CHD1: variants seen among roughly 807,000 people sequenced by gnomAD.
CHD1 encodes the protein chromodomain helicase DNA binding protein 1, also known as ATP-dependent chromatin remodeler CHD1.
Under a neutral mutation model 224.2 loss-of-function variants are expected in CHD1, and 36 were observed. The observed-to-expected ratio is 0.16, with a 90% CI of 0.12 to 0.21. CHD1 has a LOEUF of 0.21. CHD1 is among the 10% of genes least tolerant of loss of function. The probability of loss-of-function intolerance (pLI) is 1.00; values close to 1 mark genes in which losing one functional copy is unlikely to be tolerated. For missense variants in CHD1, 1,378 were observed against 1,994.8 expected (o/e 0.69, Z 5.89); for synonymous variants, 668 against 658.3 (o/e 1.01, Z -0.23).
chr5:98,920,429 A>G (rs1753016735), intron 2 of CHD1, among the ~76,000 whole-genome samples: 1 of 152,224 alleles, frequency 6.6e-6, no homozygotes, highest in African/African-American at 2.4e-5. Flanking sequence ...CATGTTTCCC[A>G]TATGATGTGA....
At chr5:98,875,006 C>A in intron 25 of CHD1, 66 bp downstream of exon 25, 1 of 826,760 alleles carries the variant, frequency 1.2e-6, no homozygotes, top group East Asian at 2.7e-5. Flanking sequence ...AATGTTAATA[C>A]AAATAAATAA....
chr5:98,863,645 G>A (rs1373893730), intron 31 of CHD1, 59 bp from the exon 32 acceptor site: 63 of 1,137,514 alleles, frequency 5.5e-5, no homozygotes, highest in Non-Finnish European at 7.7e-5. Context: ...ATTCAACAAG[G>A]TCTACCTCCT....
intron 2 of CHD1, among the ~76,000 whole-genome samples, chr5:98,920,908 T>G (rs1387520733): frequency 6.6e-6 from 1 of 151,954 alleles, no homozygotes; most frequent in Non-Finnish European, 1.5e-5. Flanking sequence ...ACTTAGAAAC[T>G]CTCACAGATG....
chr5:98,908,981 T>A (rs919870800), intron 2 of CHD1, among the ~76,000 whole-genome samples: 1 of 151,954 alleles, frequency 6.6e-6, no homozygotes, highest in Admixed American at 6.6e-5. Flanking sequence ...AATATACAAT[T>A]TCAAATATAA....
At chr5:98,884,963 C>A (rs1031035213) in intron 18 of CHD1, among the ~76,000 whole-genome samples, 1 of 151,850 alleles carries the variant, frequency 6.6e-6, no homozygotes, top group Non-Finnish European at 1.5e-5. Flanking sequence ...AACTCCTGGT[C>A]TGAAGCGATT....
At chr5:98,897,567 C>A (rs1444521812) in intron 10 of CHD1, among the ~76,000 whole-genome samples, 1 of 152,110 alleles carries the variant, frequency 6.6e-6, no homozygotes, top group African/African-American at 2.4e-5. Context: ...TAACTTCCTG[C>A]CAAAATATGA....
chr5:98,895,330 G>T (rs1751275196), intron 12 of CHD1, among the ~76,000 whole-genome samples: 1 of 152,192 alleles, frequency 6.6e-6, no homozygotes, highest in African/African-American at 2.4e-5. Context: ...TTGCTTCACA[G>T]TAACTAGGAA....
intron 2 of CHD1, among the ~76,000 whole-genome samples, chr5:98,911,635 G>GT (rs1193136031): frequency 1.3e-5 from 2 of 152,202 alleles, no homozygotes; most frequent in African/African-American, 4.8e-5. Flanking sequence ...GACAAACAAT[G>GT]TGAGCTCCAG....
chr5:98,866,550 T>A (rs888158757), intron 31 of CHD1, among the ~76,000 whole-genome samples: 1 of 152,052 alleles, frequency 6.6e-6, no homozygotes, highest in Non-Finnish European at 1.5e-5. Flanking sequence ...AAGGTGAAAT[T>A]TTCCCTCTTT....
At chr5:98,909,525 C>T (rs1337899035) in intron 2 of CHD1, among the ~76,000 whole-genome samples, 2 of 152,056 alleles carry the variant, frequency 1.3e-5, no homozygotes, top group Non-Finnish European at 2.9e-5. Context: ...TTTTTAGCAG[C>T]CACTGATGAT....
At chr5:98,899,314 G>A (rs1346460035) in intron 8 of CHD1, among the ~76,000 whole-genome samples, 166 bp downstream of exon 8, 8 of 151,976 alleles carry the variant, frequency 5.3e-5, no homozygotes, top group Admixed American at 3.9e-4. Context: ...TCCATGGTTG[G>A]TTGAAACCAA....
At chr5:98,902,853 TC>T in intron 5 of CHD1, 46 bp downstream of exon 5, 1 of 1,172,358 alleles carries the variant, frequency 8.5e-7, no homozygotes, top group African/African-American at 1.5e-5. Flanking sequence ...TATGAAATAA[TC>T]AGGATTTTTC....
intron 4 of CHD1, among the ~76,000 whole-genome samples, 160 bp from the exon 5 acceptor site, chr5:98,903,124 A>G (rs980438574): frequency 6.6e-6 from 1 of 152,190 alleles, no homozygotes; most frequent in Non-Finnish European, 1.5e-5. Context: ...GCTGAAAGTA[A>G]TAACATTTTT....
In CHD1 at chr5:98,912,578, C is replaced by T. The variant is rs111627044; in HGVS notation, c.54-7480G>A. On this transcript the variant is annotated intron_variant, in intron 2 of 35. Coordinates refer to ENST00000614616, the MANE Select transcript of CHD1 (RefSeq NM_001270.4). ...CCCAGCTACTCAGGAGGCTGAGGCA[C>T]GGGAATCACTAGAACCCAGGAGGCA... is the stretch of plus-strand genomic sequence containing the variant. 5.6e-3 allele frequency among the ~76,000 whole-genome samples: 856 copies of T among 151,916 alleles called. 8 individuals are homozygous for T. The highest frequency in any genetic ancestry group is 0.019 in the African/African-American group (790 of 41,444).
rs1290997308 is a variant in CHD1, at chr5:98,911,455, C to T, written c.54-6357G>A. 2.6e-5 allele frequency among the ~76,000 whole-genome samples: 4 copies of T among 152,050 alleles called. No homozygotes were observed. In the East Asian group the frequency reaches 7.8e-4, roughly 29 times the overall value. Reference sequence around the variant, plus strand: ...GAAAATGCTGGTTTGGGCAAAAAATCATCAATGGATACTACATCTAGGGGA... The same window carrying T: ...GAAAATGCTGGTTTGGGCAAAAAATTATCAATGGATACTACATCTAGGGGA... On this transcript the variant is annotated intron_variant, in intron 2 of 35. Transcript: ENST00000614616.
chr5:98,896,935 G>C (rs773527185), intron 11 of CHD1, among the ~76,000 whole-genome samples: 5 of 152,084 alleles, frequency 3.3e-5, no homozygotes, highest in Non-Finnish European at 7.4e-5. Flanking sequence ...AGCATGGGAT[G>C]AGAACAGATA....
chr5:98,918,617 A>C (rs2112632136), intron 2 of CHD1, among the ~76,000 whole-genome samples: 1 of 151,390 alleles, frequency 6.6e-6, no homozygotes, highest in Admixed American at 6.6e-5. Flanking sequence ...AAAATACAAA[A>C]ATTAGCTGGG....
At chr5:98,895,401 A>G (rs969837020) in intron 12 of CHD1, among the ~76,000 whole-genome samples, 5 of 152,306 alleles carry the variant, frequency 3.3e-5, no homozygotes, top group African/African-American at 1.2e-4. Context: ...ACTTAAGAAC[A>G]TGAGTGTTTA....
At chr5:98,885,801 G>A (rs1273373062) in intron 17 of CHD1, 152 bp from the exon 18 acceptor site, 3 of 575,034 alleles carry the variant, frequency 5.2e-6, no homozygotes, top group African/African-American at 3.8e-5. Context: ...TAATGCTCAG[G>A]CATTCTGTCT....
Sources: gnomAD v4.1 joint callset for allele counts (sites outside exome capture counted in the v4.1 genomes callset) on GRCh38, gnomAD v4.1.1 for gene constraint, MANE v1.5 for transcripts, NCBI Gene and HGNC (gene_info 2026-07-23, HGNC 2026-07-21) for gene names.